SPTLC2: variants seen among roughly 807,000 people sequenced by gnomAD.
SPTLC2 encodes the protein serine palmitoyltransferase 2.
In SPTLC2, 21 loss-of-function variants were observed where a neutral mutation model predicts 62.0. The ratio of observed to expected loss-of-function variants is 0.34; its 90% CI spans 0.24 to 0.49. The LOEUF is 0.49. Among genes scored for constraint, SPTLC2 ranks in the 20% least tolerant of loss-of-function variants. SPTLC2 has a pLI of 0.99. For synonymous variants in SPTLC2, 261 were observed against 261.8 expected (o/e 1.00, Z 0.03); for missense variants, 511 against 713.0 (o/e 0.72, Z 3.23).
At chr14:77,565,907 C>T (rs1449481285) in intron 5 of SPTLC2, among the ~76,000 whole-genome samples, 1 of 152,146 alleles carries the variant, frequency 6.6e-6, no homozygotes, top group African/African-American at 2.4e-5. Flanking sequence ...TCTTTTGTAA[C>T]TCTTTTTGTA....
intron 5 of SPTLC2, among the ~76,000 whole-genome samples, chr14:77,568,597 A>T (rs1389476585): frequency 1.3e-5 from 2 of 152,068 alleles, no homozygotes; most frequent in East Asian, 3.9e-4. Flanking sequence ...TCATGAGGTC[A>T]GGAGATCAAG....
intron 4 of SPTLC2, 98 bp from the exon 5 acceptor site, chr14:77,570,606 C>T: frequency 2.1e-6 from 3 of 1,439,592 alleles, no homozygotes; most frequent in Non-Finnish European, 1.9e-6. Context: ...GTGTTGTGTC[C>T]TTTTCAGACT....
intron 2 of SPTLC2, 45 bp from the exon 3 acceptor site, chr14:77,579,154 T>C (rs774272051): frequency 4.4e-6 from 7 of 1,602,866 alleles, no homozygotes; most frequent in East Asian, 2.3e-5. Context: ...TGAGTTACTT[T>C]ATTAAAAAAT....
At chr14:77,580,010 C>A (rs1013901573) in intron 2 of SPTLC2, among the ~76,000 whole-genome samples, 3 of 152,150 alleles carry the variant, frequency 2.0e-5, no homozygotes, top group African/African-American at 7.2e-5. Flanking sequence ...TCCCTCCCCA[C>A]AAGCCTCCTC....
At position 77,511,598 on chromosome 14, in the gene SPTLC2, G is replaced by A. The variant is rs1029487620; in HGVS notation, c.*686C>T. ...GAACCAGAATTTGCGCACATCCTCA[G>A]ACTGTGACCATTATGAAGAAGTATT... On this transcript the variant is annotated 3_prime_UTR_variant, in exon 12 of 12. Coordinates refer to ENST00000216484, the MANE Select transcript of SPTLC2 (RefSeq NM_004863.4). The A allele has an allele frequency of 1.3e-5, 2 of 155,376 alleles. No individual in the cohort carries two copies. Among genetic ancestry groups the A allele is most frequent in the Non-Finnish European group, 2.9e-5 (2 of 70,098 alleles). 9.6% of individuals were successfully genotyped at this position (155,376 alleles called of 1,614,324 possible).
rs1173898086 is a variant in SPTLC2, at chr14:77,507,866, A to G, written c.*4418T>C. The G allele has an allele frequency of 6.6e-6, 1 of 151,954 alleles. No individual in the cohort carries two copies. The highest frequency in any genetic ancestry group is 6.6e-5 in the Admixed American group (1 of 15,262). The allele number at this position is 151,954 out of a possible 1,614,324, so 9.4% of individuals were successfully genotyped here. ...TGCTTTTTATACCTCCCCATTCACA[A>G]CCCCTTTGGGCTAAGCTGATTTAAA... On this transcript the variant is annotated 3_prime_UTR_variant, in exon 12 of 12. Transcript: ENST00000216484.
intron 9 of SPTLC2, among the ~76,000 whole-genome samples, chr14:77,550,267 T>TA (rs1171972138): frequency 6.6e-6 from 1 of 152,206 alleles, no homozygotes; most frequent in Non-Finnish European, 1.5e-5. Flanking sequence ...AATGTTAAGG[T>TA]AAAATTCTGA....
At chr14:77,539,371 T>A (rs1485639729) in intron 9 of SPTLC2, among the ~76,000 whole-genome samples, 1 of 151,006 alleles carries the variant, frequency 6.6e-6, no homozygotes, top group Admixed American at 6.6e-5. Context: ...AGAGAAAAAA[T>A]TAATTAAAAA....
At chr14:77,543,150 A>G (rs1261191961) in intron 9 of SPTLC2, among the ~76,000 whole-genome samples, 2 of 152,208 alleles carry the variant, frequency 1.3e-5, no homozygotes, top group East Asian at 1.9e-4. Context: ...CCCGGGTTCC[A>G]GTGATTTTCC....
chr14:77,579,167 T>C (rs1227319841), intron 2 of SPTLC2, 58 bp from the exon 3 acceptor site: 3 of 1,568,412 alleles, frequency 1.9e-6, no homozygotes, highest in African/African-American at 2.7e-5. Flanking sequence ...TAAAAAATTT[T>C]TTAACAGATG....
intron 8 of SPTLC2, among the ~76,000 whole-genome samples, chr14:77,553,974 C>T (rs2079569649): frequency 1.3e-5 from 2 of 152,042 alleles, no homozygotes; most frequent in Non-Finnish European, 2.9e-5. Flanking sequence ...GCCACCACCA[C>T]ACCCAGCTAA....
intron 2 of SPTLC2, among the ~76,000 whole-genome samples, chr14:77,588,996 CAAAAAAAAAAAA>C (rs60536883): frequency 8.0e-5 from 6 of 74,608 alleles, no homozygotes; most frequent in African/African-American, 1.2e-4. Context: ...GACCTTGTCT[CAAAAAAAAAAAA>C]AAAAAAAAAA....
rs375669404 is a variant in SPTLC2, at chr14:77,555,406, C to A, written c.1070G>T (p.Arg357Leu). 6.2e-7 allele frequency: 1 copy of A among 1,614,202 alleles called. No individual in the cohort carries two copies. Among genetic ancestry groups the A allele is most frequent in the South Asian group, 1.1e-5 (1 of 91,084 alleles). The change falls in exon 8 of 12, where the codon CGG becomes CTG. Residue 357 changes from arginine (R) to leucine (L), a missense_variant. By Grantham distance (102) the Arg-to-Leu change is moderately radical. Transcript: ENST00000216484. Reference sequence around the variant, plus strand: ...CAGGCCAAAGTACTCCACCACACCCCGGCCTGTGGGGCCCAGGGCGCCAAT... The same window carrying A: ...CAGGCCAAAGTACTCCACCACACCCAGGCCTGTGGGGCCCAGGGCGCCAAT... Reference protein sequence around the residue: ...HSIGALGPTGRGVVEYFGLDP... With the variant: ...HSIGALGPTGLGVVEYFGLDP...
intron 7 of SPTLC2, 135 bp from the exon 8 acceptor site, chr14:77,555,654 T>C (rs1288854813): frequency 1.1e-6 from 1 of 900,640 alleles, no homozygotes; most frequent in Non-Finnish European, 1.7e-6. Context: ...TTTGCTCCAT[T>C]GTCCAGGCTG....
At chr14:77,514,093 C>T (rs2079347314) in intron 11 of SPTLC2, among the ~76,000 whole-genome samples, 1 of 151,632 alleles carries the variant, frequency 6.6e-6, no homozygotes, top group African/African-American at 2.4e-5. Flanking sequence ...TGAGGTGGGA[C>T]GATCCCTTGA....
chr14:77,589,324 C>T (rs1392842724), intron 2 of SPTLC2, among the ~76,000 whole-genome samples: 1 of 151,970 alleles, frequency 6.6e-6, no homozygotes, highest in African/African-American at 2.4e-5. Flanking sequence ...AATGAGATTT[C>T]AAGATAAAAA....
chr14:77,533,068 T>C (rs1172631703), intron 9 of SPTLC2, among the ~76,000 whole-genome samples: 1 of 151,950 alleles, frequency 6.6e-6, no homozygotes, highest in Non-Finnish European at 1.5e-5. Context: ...GAGGCCAAGG[T>C]GGGCAGATCA....
At chr14:77,545,436 T>C (rs1284950394) in intron 9 of SPTLC2, among the ~76,000 whole-genome samples, 2 of 152,054 alleles carry the variant, frequency 1.3e-5, no homozygotes, top group African/African-American at 4.8e-5. Flanking sequence ...CTGGCTAAAT[T>C]TTTTTGTATT....
At chr14:77,552,300 C>G in intron 8 of SPTLC2, 78 bp from the exon 9 acceptor site, 1 of 1,534,256 alleles carries the variant, frequency 6.5e-7, no homozygotes, top group Non-Finnish European at 8.9e-7. Context: ...CTTCTAAGTT[C>G]TAGAGGACTC....
Sources: gnomAD v4.1 joint callset for allele counts (sites outside exome capture counted in the v4.1 genomes callset) on GRCh38, gnomAD v4.1.1 for gene constraint, MANE v1.5 for transcripts, NCBI Gene and HGNC (gene_info 2026-07-23, HGNC 2026-07-21) for gene names.